CLSTN2: variants seen among roughly 807,000 people sequenced by gnomAD.
CLSTN2 encodes calsyntenin-2.
Under a neutral mutation model 101.2 loss-of-function variants are expected in CLSTN2, and 48 were observed. That is an observed-to-expected ratio of 0.47 (90% confidence interval 0.38 to 0.60). The LOEUF (loss-of-function observed/expected upper bound fraction) is 0.60. Ranked by LOEUF, CLSTN2 falls within the 20% of genes least tolerant of loss-of-function variation. The pLI, the probability that CLSTN2 is intolerant of heterozygous loss-of-function variation, is 0.00. For synonymous variants in CLSTN2, 481 were observed against 463.6 expected (o/e 1.04, Z -0.48); for missense variants, 1,160 against 1,238.2 (o/e 0.94, Z 0.95).
intron 1 of CLSTN2, among the ~76,000 whole-genome samples, chr3:140,054,024 G>T (rs949850315): frequency 6.6e-6 from 1 of 152,174 alleles, no homozygotes; most frequent in African/African-American, 2.4e-5. Flanking sequence ...CTACCATCTG[G>T]CTGGGAAATC....
chr3:140,517,440 G>C (rs572000187), intron 8 of CLSTN2, among the ~76,000 whole-genome samples: 5 of 152,158 alleles, frequency 3.3e-5, no homozygotes, highest in Admixed American at 6.5e-5. Context: ...TTCTCATTTG[G>C]ATAGACTATG....
chr3:140,340,452 G>T (rs889638648), intron 2 of CLSTN2, among the ~76,000 whole-genome samples: 1 of 152,168 alleles, frequency 6.6e-6, no homozygotes, highest in South Asian at 2.1e-4. Context: ...CAAAGAGAGG[G>T]CTATAAACCA....
intron 2 of CLSTN2, among the ~76,000 whole-genome samples, chr3:140,286,362 C>T (rs1332756830): frequency 6.6e-6 from 1 of 152,126 alleles, no homozygotes; most frequent in Non-Finnish European, 1.5e-5. Flanking sequence ...AAGTGTTTAT[C>T]GATCGTCCTT....
intron 2 of CLSTN2, among the ~76,000 whole-genome samples, chr3:140,223,488 A>C (rs1346120882): frequency 6.6e-6 from 1 of 152,146 alleles, no homozygotes; most frequent in Non-Finnish European, 1.5e-5. Flanking sequence ...CTCATTCTGC[A>C]TGCTCCGAGA....
chr3:140,182,318 C>G (rs2010420919), intron 2 of CLSTN2, among the ~76,000 whole-genome samples: 1 of 147,234 alleles, frequency 6.8e-6, no homozygotes, highest in Admixed American at 6.7e-5. Context: ...AAAAAGTAAA[C>G]TAATATTTAG....
At position 140,453,550 on chromosome 3, in the gene CLSTN2, T is replaced by C. The variant is rs111877835; in HGVS notation, c.973+4846T>C. Among the ~76,000 whole-genome samples, 406 of 152,290 alleles carry C rather than the reference T, an allele frequency of 2.7e-3. 1 individual carries two copies. The highest frequency in any genetic ancestry group is 3.9e-3 in the Non-Finnish European group (267 of 68,018). On this transcript the variant is annotated intron_variant, in intron 6 of 16. Coordinates refer to ENST00000458420, the MANE Select transcript of CLSTN2 (RefSeq NM_022131.3). ...GTAGTTCTAGTGTTGTATTACACAG[T>C]AGGGCAACTATAGTAATAATACTGT... is the stretch of plus-strand genomic sequence containing the variant.
At position 140,298,417 on chromosome 3, in the gene CLSTN2, TC is replaced by T. The variant is rs1322440933; in HGVS notation, c.233-105211del. On this transcript the variant is annotated intron_variant, in intron 2 of 16. Transcript: ENST00000458420. The stretch of plus-strand genomic sequence containing the variant: ...ATAACAATAGTAATGATGACAATAA[TC>T]ATAATTTATGTTGGCCTATAAACTT... Among the ~76,000 whole-genome samples, 3 of 152,330 alleles carry T rather than the reference TC, an allele frequency of 2.0e-5. No individual in the cohort carries two copies. The East Asian group carries it at 5.8e-4, about 29-fold the overall frequency.
intron 2 of CLSTN2, among the ~76,000 whole-genome samples, chr3:140,261,673 C>A (rs2086655719): frequency 6.6e-6 from 1 of 152,040 alleles, no homozygotes; most frequent in South Asian, 2.1e-4. Flanking sequence ...TGTATACTAG[C>A]CTGTTATATA....
chr3:140,437,450 A>T (rs1443266349), intron 5 of CLSTN2, among the ~76,000 whole-genome samples: 3 of 152,204 alleles, frequency 2.0e-5, no homozygotes, highest in Non-Finnish European at 4.4e-5. Flanking sequence ...TCCAGAAGAA[A>T]ATATTATAAT....
At chr3:140,459,437 G>A (rs9836487) in intron 6 of CLSTN2, 84 bp from the exon 7 acceptor site, 713,977 of 1,487,912 alleles carry the variant, frequency 0.48, 181,768 homozygotes, top group Non-Finnish European at 0.53. Flanking sequence ...AGTACACTGA[G>A]TAGTTCACCT....
chr3:140,122,422 C>T (rs562017414), intron 1 of CLSTN2, among the ~76,000 whole-genome samples: 1 of 152,256 alleles, frequency 6.6e-6, no homozygotes, highest in East Asian at 1.9e-4. Flanking sequence ...GTGGTGATAA[C>T]CACTAATGGA....
intron 2 of CLSTN2, among the ~76,000 whole-genome samples, chr3:140,380,206 G>A (rs1416367679): frequency 2.0e-5 from 3 of 152,188 alleles, no homozygotes; most frequent in Non-Finnish European, 4.4e-5. Context: ...GCCCAAAAAT[G>A]TGTGAGGGGC....
rs2086780474 is a variant in CLSTN2 at position 140,274,963 on chromosome 3, C to T, written c.232+98890C>T. ...TAGTCCTCAGTGTTCATCACCTAGT[C>T]TCTTCTTTGGAAGACAGCTTTTGGG... is the stretch of plus-strand genomic sequence containing the variant. On this transcript the variant is annotated intron_variant, in intron 2 of 16. Coordinates refer to ENST00000458420, the MANE Select transcript of CLSTN2 (RefSeq NM_022131.3). Among the ~76,000 whole-genome samples, 4 of 152,172 alleles carry T rather than the reference C, an allele frequency of 2.6e-5. No individual in the cohort carries two copies. In the South Asian group the frequency reaches 6.2e-4, roughly 24 times the overall value.
intron 1 of CLSTN2, among the ~76,000 whole-genome samples, chr3:140,151,667 T>C (rs934623245): frequency 3.3e-5 from 5 of 152,034 alleles, no homozygotes; most frequent in Non-Finnish European, 7.4e-5. Context: ...GTGTATAAGC[T>C]TATAAGCAAA....
At chr3:140,084,083 T>A (rs568516870) in intron 1 of CLSTN2, among the ~76,000 whole-genome samples, 53 of 152,308 alleles carry the variant, frequency 3.5e-4, no homozygotes, top group African/African-American at 1.2e-3. Flanking sequence ...AGACTTTTCA[T>A]GATGCTGCAT....
intron 1 of CLSTN2, among the ~76,000 whole-genome samples, chr3:140,156,976 T>A (rs1234081859): frequency 6.6e-6 from 1 of 152,112 alleles, no homozygotes; most frequent in Non-Finnish European, 1.5e-5. Flanking sequence ...TAAAGGCTCT[T>A]TTGAATCTGA....
Position 140,012,934 on chromosome 3 carries a change from A to G in CLSTN2, c.109+77451A>G, listed in dbSNP as rs575416566. 1.9e-4 allele frequency among the ~76,000 whole-genome samples: 5 copies of G among 26,892 alleles called. No homozygotes were observed. In the East Asian group the frequency reaches 2.2e-3, roughly 12 times the overall value. The allele number at this position is 26,892 out of a possible 152,430, so 17.6% of individuals were successfully genotyped here. ...GCAGCTTGGAGGTATGGCTGGACAC[A>G]GAGACATGAGTGGCTGTTACAACTA... is the stretch of plus-strand genomic sequence containing the variant. On this transcript the variant is annotated intron_variant, in intron 1 of 16. Coordinates refer to ENST00000458420, the MANE Select transcript of CLSTN2 (RefSeq NM_022131.3).
chr3:140,537,918 C>CT (rs985063834), intron 9 of CLSTN2, among the ~76,000 whole-genome samples: 1 of 152,162 alleles, frequency 6.6e-6, no homozygotes, highest in African/African-American at 2.4e-5. Context: ...AGACCAGTGC[C>CT]TTAAGGGAGC....
chr3:140,050,960 CAAAG>C (rs896933547), intron 1 of CLSTN2, among the ~76,000 whole-genome samples: 14 of 152,088 alleles, frequency 9.2e-5, no homozygotes, highest in African/African-American at 2.7e-4. Context: ...GGTTTCAATA[CAAAG>C]AAAGAAACAC....
Sources: allele counts gnomAD v4.1 joint callset (sites outside exome capture counted in the v4.1 genomes callset), GRCh38; gene constraint gnomAD v4.1.1; transcripts MANE v1.5; gene names NCBI Gene and HGNC (gene_info 2026-07-23, HGNC 2026-07-21).